METTL21A: variants seen among roughly 807,000 people sequenced by gnomAD.
METTL21A encodes protein N-lysine methyltransferase METTL21A.
In METTL21A, 22 loss-of-function variants were observed where a neutral mutation model predicts 20.9. The observed-to-expected ratio is 1.05, with a 90% CI of 0.75 to 1.50. The LOEUF is 1.50. METTL21A is among the 40% of genes most tolerant of loss of function. The probability of loss-of-function intolerance (pLI) is 0.00; values close to 1 mark genes in which losing one functional copy is unlikely to be tolerated. For synonymous variants in METTL21A, 93 were observed against 102.0 expected (o/e 0.91, Z 0.53); for missense variants, 271 against 266.8 (o/e 1.02, Z -0.11).
At chr2:207,593,556 A>G (rs2085492366) in intron 3 of METTL21A, among the ~76,000 whole-genome samples, 1 of 152,122 alleles carries the variant, frequency 6.6e-6, no homozygotes, top group Non-Finnish European at 1.5e-5. Flanking sequence ...AGCAAATGCT[A>G]CTTTTTTCTG....
chr2:207,604,726 G>A (rs1444498586), downstream of METTL21A, among the ~76,000 whole-genome samples: 1 of 152,062 alleles, frequency 6.6e-6, no homozygotes, highest in Non-Finnish European at 1.5e-5. Context: ...GTAAAGTCCC[G>A]TTACTCTCCA....
intron 3 of METTL21A, among the ~76,000 whole-genome samples, chr2:207,603,694 C>T (rs1019253107): frequency 6.6e-6 from 1 of 152,058 alleles, no homozygotes; most frequent in African/African-American, 2.4e-5. Context: ...TGGAGACATA[C>T]GACCAGCTGT....
rs370325914 is a variant in METTL21A, at chr2:207,624,520, G to A, written c.-29-116C>T. 1.4e-4 allele frequency: 125 copies of A among 918,686 alleles called. No homozygotes were observed. In the South Asian group the frequency reaches 2.7e-3, roughly 20 times the overall value. 56.9% of individuals were successfully genotyped at this position (918,686 alleles called of 1,614,324 possible). On this transcript the variant is annotated intron_variant, in intron 1 of 3. Transcript: ENST00000406927. ...AAGTTCAAAAGAAAAAAAGAAACAG[G>A]TGGAGGAAGCCTTTGTCCAATTTCT...
At chr2:207,605,783 T>C (rs1024921179), downstream of METTL21A, among the ~76,000 whole-genome samples, 2 of 152,204 alleles carry the variant, frequency 1.3e-5, no homozygotes, top group Non-Finnish European at 2.9e-5. Flanking sequence ...GGTTGGTAAC[T>C]AGGTCTACAC....
At chr2:207,587,273 G>C (rs1046452914) in intron 3 of METTL21A, among the ~76,000 whole-genome samples, 1 of 151,702 alleles carries the variant, frequency 6.6e-6, no homozygotes, top group African/African-American at 2.4e-5. Context: ...GGTGCCTGTA[G>C]TCCCAGCTAC....
At chr2:207,620,694 G>A (rs1575151964) in intron 3 of METTL21A, 1 of 1,534,022 alleles carries the variant, frequency 6.5e-7, no homozygotes, top group Non-Finnish European at 8.7e-7. Context: ...TGACTTAAGT[G>A]CTGTGGTTGA....
At chr2:207,588,265 C>A (rs1574963406) in intron 3 of METTL21A, among the ~76,000 whole-genome samples, 1 of 152,148 alleles carries the variant, frequency 6.6e-6, no homozygotes, top group East Asian at 1.9e-4. Context: ...ATAGGAACAT[C>A]CATTTGTTCC....
At chr2:207,582,237 G>A in intron 3 of METTL21A, 1 of 699,792 alleles carries the variant, frequency 1.4e-6, no homozygotes. Context: ...TTTAGAAGAA[G>A]TACTTGGAGG....
intron 2 of METTL21A, among the ~76,000 whole-genome samples, chr2:207,623,614 G>A (rs2090771483): frequency 6.6e-6 from 1 of 152,220 alleles, no homozygotes; most frequent in South Asian, 2.1e-4. Flanking sequence ...CACTTTGGGA[G>A]GCTGAGGCAG....
Position 207,588,969 on chromosome 2 carries a change from A to G in METTL21A, c.260-6809T>C, listed in dbSNP as rs903279437. 2.0e-5 allele frequency among the ~76,000 whole-genome samples: 3 copies of G among 152,106 alleles called. No homozygotes were observed. In the East Asian group the frequency reaches 5.8e-4, roughly 29 times the overall value. On this transcript the variant is annotated intron_variant, in intron 3 of 3. Transcript: ENST00000425132. ...AATATGGACAGTTTTAATTATTTCTAATCTGCATGCCTTTTAATTTTTTTT... is the reference window on the plus strand; with the variant it reads ...AATATGGACAGTTTTAATTATTTCTGATCTGCATGCCTTTTAATTTTTTTT...
At chr2:207,597,147 A>G in intron 3 of METTL21A, 1 of 1,406,540 alleles carries the variant, frequency 7.1e-7, no homozygotes. Flanking sequence ...TATTTTCTAA[A>G]CATTTCTTTT....
intron 3 of METTL21A, among the ~76,000 whole-genome samples, chr2:207,588,371 T>C (rs2084284391): frequency 6.6e-6 from 1 of 152,190 alleles, no homozygotes; most frequent in African/African-American, 2.4e-5. Flanking sequence ...GTCTGTTTCT[T>C]GGATATCTTT....
At chr2:207,616,397 T>A (rs2089748873) in intron 3 of METTL21A, among the ~76,000 whole-genome samples, 1 of 152,246 alleles carries the variant, frequency 6.6e-6, no homozygotes, top group South Asian at 2.1e-4. Flanking sequence ...CTGGTAGGTA[T>A]TCCAGAAGTC....
chr2:207,619,383 C>A (rs1051387881), intron 3 of METTL21A, among the ~76,000 whole-genome samples: 1 of 152,142 alleles, frequency 6.6e-6, no homozygotes, highest in Admixed American at 6.5e-5. Context: ...CTCTTCCTGA[C>A]ATTTCAAAAT....
At chr2:207,623,273 T>TA (rs2090713840) in intron 2 of METTL21A, among the ~76,000 whole-genome samples, 1 of 152,346 alleles carries the variant, frequency 6.6e-6, no homozygotes, top group East Asian at 1.9e-4. Context: ...GTGGTATTAC[T>TA]ACATTAGAAT....
intron 3 of METTL21A, chr2:207,582,927 A>G: frequency 3.9e-6 from 1 of 256,744 alleles, no homozygotes; most frequent in South Asian, 4.2e-5. Context: ...AAATATATAT[A>G]TATACATACA....
chr2:207,617,040 G>A (rs1384326271), intron 3 of METTL21A, among the ~76,000 whole-genome samples: 1 of 152,218 alleles, frequency 6.6e-6, no homozygotes, highest in Non-Finnish European at 1.5e-5. Flanking sequence ...TGGGTAAGGA[G>A]GGTGAGACAG....
intron 3 of METTL21A, among the ~76,000 whole-genome samples, chr2:207,588,728 GT>G (rs58013876): frequency 0.42 from 56,839 of 134,668 alleles, 11,795 homozygotes; most frequent in African/African-American, 0.54. Flanking sequence ...CTGTTTTCTG[GT>G]TTTTTTTTTT....
At chr2:207,604,380 CG>C (rs1262073743), downstream of METTL21A, among the ~76,000 whole-genome samples, 1 of 152,142 alleles carries the variant, frequency 6.6e-6, no homozygotes, top group Non-Finnish European at 1.5e-5. Context: ...TTTTCCATCT[CG>C]TAAGTGGTGC....
Sources: gnomAD v4.1 joint callset for allele counts (sites outside exome capture counted in the v4.1 genomes callset) on GRCh38, gnomAD v4.1.1 for gene constraint, MANE v1.5 for transcripts, NCBI Gene and HGNC (gene_info 2026-07-23, HGNC 2026-07-21) for gene names.